The following KMT2E variants were observed in gnomAD, a reference collection of about 807,000 sequenced individuals.
The protein encoded by KMT2E is lysine methyltransferase 2E (inactive).
Under a neutral mutation model 184.6 loss-of-function variants are expected in KMT2E, and 30 were observed. That is an observed-to-expected ratio of 0.16 (90% CI 0.12 to 0.22). The LOEUF (loss-of-function observed/expected upper bound fraction) is 0.22, where lower values mean the gene tolerates loss of function less well. Ranked by LOEUF, KMT2E falls within the 10% of genes least tolerant of loss-of-function variation. The pLI, the probability that KMT2E is intolerant of heterozygous loss-of-function variation, is 1.00. For missense variants in KMT2E, 2,023 were observed against 2,237.4 expected, an observed-to-expected ratio of 0.90 and a Z score of 1.93; for synonymous variants, 815 against 776.5, an observed-to-expected ratio of 1.05 and a Z score of -0.82.
In KMT2E at chr7:105,102,157, T is replaced by A; in HGVS notation, c.2159T>A (p.Leu720His). 1 of 1,611,428 alleles carries A rather than the reference T, an allele frequency of 6.2e-7. No individual in the cohort carries two copies. ...ATTACTGAAACTGAAGTTCCAGCACTTAATAAATGTCCTACCAAGTACCCC... is the reference window on the plus strand; with the variant it reads ...ATTACTGAAACTGAAGTTCCAGCACATAATAAATGTCCTACCAAGTACCCC... The part of the protein sequence containing the change: ...EIITETEVPA[L>H]NKCPTKYPKT... The change falls in exon 17 of 27, where the codon CTT becomes CAT. Residue 720 changes from leucine (L) to histidine (H), a missense_variant. Physicochemically the swap from Leu to His is moderately conservative, Grantham distance 99 (BLOSUM62 -3). Transcript: ENST00000311117.
In KMT2E at chr7:105,106,757, T is replaced by C. The variant is rs1044650577; in HGVS notation, c.2832T>C (p.Asn944=). 6.2e-7 allele frequency: 1 copy of C among 1,613,606 alleles called. No individual in the cohort carries two copies. The highest frequency in any genetic ancestry group is 1.3e-5 in the African/African-American group (1 of 74,986). The part of the protein sequence containing the change: ...VTPVTPGTPG[N]TMHFENISSP... ...CAGTAACTCCTGGTACACCAGGAAA[T>C]ACCATGCACTTTGAGGTGAGAAATT... The change falls in exon 20 of 27, where the codon AAT becomes AAC. Residue 944 remains asparagine (N), a synonymous_variant. Coordinates refer to ENST00000311117, the MANE Select transcript of KMT2E (RefSeq NM_182931.3).
chr7:105,076,750 G>T (rs1312836666), intron 9 of KMT2E, among the ~76,000 whole-genome samples: 2 of 152,090 alleles, frequency 1.3e-5, no homozygotes, highest in African/African-American at 4.8e-5. Flanking sequence ...AGGATGTGGG[G>T]AGCATGTTAC....
chr7:105,027,321 T>G (rs563973793), intron 1 of KMT2E, among the ~76,000 whole-genome samples: 2 of 152,218 alleles, frequency 1.3e-5, no homozygotes, highest in Non-Finnish European at 2.9e-5. Context: ...ACTCCTGGGA[T>G]CAAACAGTCC....
rs1318743420 is a variant in KMT2E, at chr7:105,110,867, A to C, written c.4067A>C (p.Lys1356Thr). Residue 1356 changes from lysine (K) to threonine (T), a missense_variant and splice_region_variant, in exon 26 of 27, where the codon AAG (lysine) becomes ACG (threonine). Lys to Thr is a moderately conservative substitution (Grantham distance 78). Transcript: ENST00000311117. ...NTCKSPPKMS[K>T]PGSPGSVIPA... is the part of the protein sequence containing the mutation. ...TGTAAAAGTCCTCCAAAAATGAGCA[A>C]GGTAATAACATTGACCTTTCGATGG... 4 of 1,606,912 alleles carry C rather than the reference A, an allele frequency of 2.5e-6. No individual in the cohort carries two copies. Among genetic ancestry groups the C allele is most frequent in the Admixed American group, 3.3e-5 (2 of 60,004 alleles).
At chr7:105,073,914 A>G (rs1370746876) in intron 7 of KMT2E, among the ~76,000 whole-genome samples, 2 of 152,192 alleles carry the variant, frequency 1.3e-5, no homozygotes, top group Non-Finnish European at 2.9e-5. Context: ...GAAAATAAAT[A>G]ATTTAAATCA....
rs544664411 is a variant in KMT2E, at chr7:105,105,345, T to C, written c.2197-94T>C. On this transcript the variant is annotated intron_variant, in intron 17 of 26. Coordinates refer to ENST00000311117, the MANE Select transcript of KMT2E (RefSeq NM_182931.3). Reference sequence around the variant, plus strand: ...ATTTAAATTACCCAATTTATCATTTTAGATAATACACCAATTTCAAATCTG... The same window carrying C: ...ATTTAAATTACCCAATTTATCATTTCAGATAATACACCAATTTCAAATCTG... The C allele has an allele frequency of 7.9e-6, 7 of 890,326 alleles. No homozygotes were observed. In the Admixed American group the frequency reaches 2.0e-4, roughly 25 times the overall value. The allele number at this position is 890,326 out of a possible 1,614,324, so 55.2% of individuals were successfully genotyped here.
intron 13 of KMT2E, among the ~76,000 whole-genome samples, chr7:105,085,485 T>A (rs982652874): frequency 7.2e-5 from 11 of 152,002 alleles, no homozygotes; most frequent in African/African-American, 2.4e-4. Flanking sequence ...GAGATGGAGG[T>A]TGCAGTGAGC....
intron 1 of KMT2E, among the ~76,000 whole-genome samples, chr7:105,018,837 A>AC (rs1287025168): frequency 6.6e-6 from 1 of 152,136 alleles, no homozygotes; most frequent in Non-Finnish European, 1.5e-5. Flanking sequence ...AATTTACTTA[A>AC]CATGGAGGAA....
In KMT2E at chr7:105,114,660, G is replaced by A. The variant is rs1277441895; in HGVS notation, c.*1327G>A. ...CATATTTTTCATCATCCAATTACCT[G>A]ACATAATTTGGCACAGGATACAAAT... On this transcript the variant is annotated 3_prime_UTR_variant, in exon 27 of 27. Transcript: ENST00000311117. 3.3e-5 allele frequency among the ~76,000 whole-genome samples: 5 copies of A among 152,116 alleles called. No individual in the cohort carries two copies. The highest frequency in any genetic ancestry group is 2.0e-4 in the Admixed American group (3 of 15,274).
chr7:105,027,825 G>A (rs867882374), intron 1 of KMT2E, among the ~76,000 whole-genome samples: 26 of 151,922 alleles, frequency 1.7e-4, no homozygotes, highest in African/African-American at 6.0e-4. Context: ...ATTAATTTTG[G>A]TCCCTTGCTG....
At chr7:105,054,067 G>A (rs1037351262) in intron 3 of KMT2E, among the ~76,000 whole-genome samples, 31 of 152,012 alleles carry the variant, frequency 2.0e-4, no homozygotes, top group Middle Eastern at 3.4e-3. Flanking sequence ...CGGCTACTAC[G>A]AGGCTGAGAC....
At chr7:105,069,225 GTTTC>G (rs761787481) in intron 6 of KMT2E, among the ~76,000 whole-genome samples, 8 of 152,092 alleles carry the variant, frequency 5.3e-5, no homozygotes, top group Non-Finnish European at 8.8e-5. Flanking sequence ...TGTTTCATCT[GTTTC>G]TTTAAGATAA....
intron 8 of KMT2E, among the ~76,000 whole-genome samples, chr7:105,075,564 C>T (rs1373596728): frequency 1.3e-5 from 2 of 152,140 alleles, no homozygotes; most frequent in Non-Finnish European, 2.9e-5. Context: ...AACACCCTCC[C>T]AATTTTTATC....
At chr7:105,018,304 T>G (rs1051877063) in intron 1 of KMT2E, among the ~76,000 whole-genome samples, 3 of 152,222 alleles carry the variant, frequency 2.0e-5, no homozygotes, top group African/African-American at 7.2e-5. Context: ...TCAAAACTGG[T>G]TAGGAAATAC....
chr7:105,055,217 GT>G lies in KMT2E; in HGVS notation c.72-6928del, dbSNP rs1374514810. Among the ~76,000 whole-genome samples the G allele has an allele frequency of 7.6e-3, 998 of 130,964 alleles. 7 individuals carry two copies. The highest frequency in any genetic ancestry group is 0.02 in the African/African-American group (695 of 35,500). The allele number at this position is 130,964 out of a possible 152,430, so 85.9% of individuals were successfully genotyped here. A position where few individuals can be genotyped will look rare whatever the true frequency, so the allele number is the denominator to read the frequency against. ...GTGTGGTTTTTGTTTTTCTTTTTAGGTTTTTTTTTTTTTTTTTTTGAGATGG... is the reference window on the plus strand; with the variant it reads ...GTGTGGTTTTTGTTTTTCTTTTTAGGTTTTTTTTTTTTTTTTTTGAGATGG... On this transcript the variant is annotated intron_variant, in intron 3 of 26. Transcript: ENST00000311117.
chr7:105,038,841 C>A (rs973623215), intron 2 of KMT2E, among the ~76,000 whole-genome samples: 1 of 152,040 alleles, frequency 6.6e-6, no homozygotes, highest in Non-Finnish European at 1.5e-5. Context: ...TATATTAATG[C>A]AAATAGTGAA....
In KMT2E at chr7:105,105,664, A is replaced by G. The variant is rs1798868840; in HGVS notation, c.2422A>G (p.Thr808Ala). Residue 808 changes from threonine (T) to alanine (A), a missense_variant, in exon 18 of 27, where the codon ACT becomes GCT. Physicochemically the swap from Thr to Ala is moderately conservative, Grantham distance 58 (BLOSUM62 0). Around this residue, in one of 8 missense-constraint regions of KMT2E, gnomAD observed 514 missense variants for 621.8 expected, o/e 0.83. Transcript: ENST00000311117. ...LSEKRRRKEPTENISGSCKKR... is the reference protein window; with the variant it reads ...LSEKRRRKEPAENISGSCKKR... ...AGAAAAAAGGAGAAGAAAAGAACCT[A>G]CTGAAAACATTTCTGGTTCATGCAA... 1 of 1,603,522 alleles carries G rather than the reference A, an allele frequency of 6.2e-7. No homozygotes were observed. Among genetic ancestry groups the G allele is most frequent in the Admixed American group, 1.8e-5 (1 of 56,904 alleles).
chr7:105,049,148 A>G (rs1796224895), intron 3 of KMT2E, among the ~76,000 whole-genome samples: 1 of 152,178 alleles, frequency 6.6e-6, no homozygotes, highest in Non-Finnish European at 1.5e-5. Flanking sequence ...TAAGATTTTA[A>G]GTGAAATAAG....
chr7:105,015,710 C>G (rs1794688986), intron 1 of KMT2E, among the ~76,000 whole-genome samples: 1 of 152,082 alleles, frequency 6.6e-6, no homozygotes, highest in South Asian at 2.1e-4. Flanking sequence ...ATCTAATCAG[C>G]TCGGGTCCTC....
Sources: gnomAD v4.1 joint callset for allele counts (sites outside exome capture counted in the v4.1 genomes callset) on GRCh38, gnomAD v4.1.1 for gene constraint, gnomAD v4.1.1 regional missense constraint, MANE v1.5 for transcripts, NCBI Gene and HGNC (gene_info 2026-07-23, HGNC 2026-07-21) for gene names.